CNOT6: variants seen among roughly 807,000 people sequenced by gnomAD.
CNOT6 encodes carbon catabolite repression 4 protein.
In CNOT6, 12 loss-of-function variants were observed where a neutral mutation model predicts 61.2. The ratio of observed to expected loss-of-function variants is 0.20; its 90% confidence interval spans 0.13 to 0.32. The LOEUF is 0.32. Ranked by LOEUF, CNOT6 falls within the 10% of genes least tolerant of loss-of-function variation. The pLI is 1.00. For missense variants in CNOT6, 405 were observed against 663.9 expected (o/e 0.61, Z 4.28); for synonymous variants, 225 against 240.6 (o/e 0.94, Z 0.60).
intron 4 of CNOT6, among the ~76,000 whole-genome samples, chr5:180,558,215 A>G (rs954067674): frequency 6.6e-6 from 1 of 152,168 alleles, no homozygotes; most frequent in Non-Finnish European, 1.5e-5. Flanking sequence ...TTTTGTCAGG[A>G]CGTGGTCCAC....
At chr5:180,567,720 A>G in intron 8 of CNOT6, 129 bp from the exon 9 acceptor site, 1 of 1,246,530 alleles carries the variant, frequency 8.0e-7, no homozygotes, top group Non-Finnish European at 1.1e-6. Context: ...AACGTGGAGG[A>G]TTTTCCGTAA....
At chr5:180,558,476 C>T (rs191722647) in intron 4 of CNOT6, among the ~76,000 whole-genome samples, 1 of 149,602 alleles carries the variant, frequency 6.7e-6, no homozygotes, top group African/African-American at 2.4e-5. Context: ...CAGCGTAGCC[C>T]AGGAAGGCGC....
intron 2 of CNOT6, among the ~76,000 whole-genome samples, chr5:180,540,968 C>T (rs775321352): frequency 6.6e-6 from 1 of 152,034 alleles, no homozygotes; most frequent in Non-Finnish European, 1.5e-5. Context: ...GTAATGGGGT[C>T]TGCCAGTGAT....
chr5:180,550,176 C>T (rs927251105), intron 3 of CNOT6, 59 bp downstream of exon 3: 20 of 1,369,310 alleles, frequency 1.5e-5, no homozygotes, highest in African/African-American at 2.9e-5. Context: ...AAATATAGGC[C>T]GGGCGCAGTG....
chr5:180,568,674 GA>G (rs1760592116), intron 9 of CNOT6, among the ~76,000 whole-genome samples: 1 of 152,102 alleles, frequency 6.6e-6, no homozygotes, highest in Non-Finnish European at 1.5e-5. Context: ...ATTATGCTGG[GA>G]GCCGAAACTT....
At chr5:180,566,078 T>A in intron 7 of CNOT6, 101 bp downstream of exon 7, 2 of 1,081,196 alleles carry the variant, frequency 1.8e-6, no homozygotes, top group Non-Finnish European at 2.6e-6. Context: ...CAGTAGTTCT[T>A]AAAGTACTGC....
rs1756492495 is a variant in CNOT6, at chr5:180,494,483, G to A, written c.-283G>A. The A allele has an allele frequency of 6.4e-6, 1 of 156,630 alleles. No homozygotes were observed. Among genetic ancestry groups the A allele is most frequent in the South Asian group, 1.7e-4 (1 of 5,744 alleles). The allele number at this position is 156,630 out of a possible 1,614,324, so 9.7% of individuals were successfully genotyped here. ...CGGTGGCGGCGGCGACGGCGGCGCG[G>A]AGGCGAAGGCAGCGGCGGGCGCAGC... is the stretch of plus-strand genomic sequence containing the variant. On this transcript the variant is annotated 5_prime_UTR_variant, in exon 1 of 12. Coordinates refer to ENST00000261951, the MANE Select transcript of CNOT6 (RefSeq NM_001370472.1).
intron 2 of CNOT6, among the ~76,000 whole-genome samples, chr5:180,531,792 G>A (rs1758400729): frequency 6.6e-6 from 1 of 152,220 alleles, no homozygotes; most frequent in Admixed American, 6.5e-5. Context: ...AGACCAGCCC[G>A]GCCAACATGG....
intron 1 of CNOT6, among the ~76,000 whole-genome samples, chr5:180,506,947 A>G (rs1172315044): frequency 6.6e-6 from 1 of 152,222 alleles, no homozygotes; most frequent in Non-Finnish European, 1.5e-5. Flanking sequence ...ATAAAAAAAT[A>G]CTAAGGCAGG....
intron 3 of CNOT6, 105 bp downstream of exon 3, chr5:180,550,222 C>G (rs541486742): frequency 1.2e-6 from 1 of 804,686 alleles, no homozygotes; most frequent in African/African-American, 1.7e-5. Context: ...TGGGAGGCTG[C>G]GAGAGGATCA....
chr5:180,564,376 C>G (rs1760344550), intron 4 of CNOT6, 113 bp from the exon 5 acceptor site: 1 of 599,012 alleles, frequency 1.7e-6, no homozygotes, highest in African/African-American at 1.9e-5. Context: ...AGTCTGACAT[C>G]TTACTAGTAA....
rs186297518 is a variant in CNOT6 at position 180,535,707 on chromosome 5, T to A, written c.112+6319T>A. Among the ~76,000 whole-genome samples the A allele has an allele frequency of 3.9e-5, 6 of 152,354 alleles. No homozygotes were observed. In the South Asian group the frequency reaches 1.2e-3, roughly 32 times the overall value. ...TGCTGGATAGAATGGTAGTTGTATT[T>A]GTAGTTCTGTGAGAAATCTCCATAC... is the stretch of plus-strand genomic sequence containing the variant. On this transcript the variant is annotated intron_variant, in intron 2 of 11. Coordinates refer to ENST00000261951, the MANE Select transcript of CNOT6 (RefSeq NM_001370472.1).
rs559521939 is a variant in CNOT6 at position 180,552,502 on chromosome 5, T to C, written c.300-884T>C. On this transcript the variant is annotated intron_variant, in intron 3 of 11. Transcript: ENST00000261951. The stretch of plus-strand genomic sequence containing the variant: ...TAAAAATACAAAAAAAAAAATTAGC[T>C]GGGTGTGGTGGCAGGCACCTGTAGT... Among the ~76,000 whole-genome samples, 113 of 151,092 alleles carry C rather than the reference T, an allele frequency of 7.5e-4. 1 individual carries two copies. Among genetic ancestry groups the C allele is most frequent in the South Asian group, 3.3e-3 (16 of 4,780 alleles).
intron 2 of CNOT6, among the ~76,000 whole-genome samples, chr5:180,542,297 C>T (rs1474869068): frequency 6.6e-6 from 1 of 151,288 alleles, no homozygotes. Context: ...CAGGGTCTCG[C>T]TCTGTCGCCC....
intron 2 of CNOT6, among the ~76,000 whole-genome samples, chr5:180,531,554 A>G (rs1228952617): frequency 1.4e-5 from 2 of 146,394 alleles, no homozygotes; most frequent in African/African-American, 4.9e-5. Flanking sequence ...GCGGCCAGGC[A>G]GAGACGCTCC....
intron 1 of CNOT6, among the ~76,000 whole-genome samples, chr5:180,513,053 T>A (rs1757468886): frequency 6.6e-6 from 1 of 151,888 alleles, no homozygotes; most frequent in Admixed American, 6.6e-5. Flanking sequence ...CCGCCACCAA[T>A]GCCCGGATAA....
intron 2 of CNOT6, among the ~76,000 whole-genome samples, chr5:180,541,404 T>C (rs1359990144): frequency 6.7e-6 from 1 of 148,748 alleles, no homozygotes; most frequent in Non-Finnish European, 1.5e-5. Context: ...CCCGAAGTGC[T>C]GGATTACAGG....
At chr5:180,503,526 A>G (rs1425324044) in intron 1 of CNOT6, among the ~76,000 whole-genome samples, 2 of 151,014 alleles carry the variant, frequency 1.3e-5, no homozygotes, top group South Asian at 2.1e-4. Flanking sequence ...CGGCACCCCA[A>G]AGTGCTGGGA....
intron 1 of CNOT6, among the ~76,000 whole-genome samples, chr5:180,520,821 T>C (rs1293648698): frequency 6.6e-6 from 1 of 151,874 alleles, no homozygotes; most frequent in Non-Finnish European, 1.5e-5. Context: ...TAACATTCCA[T>C]CTTTTTATTT....
Sources: gnomAD v4.1 joint callset for allele counts (sites outside exome capture counted in the v4.1 genomes callset) on GRCh38, gnomAD v4.1.1 for gene constraint, MANE v1.5 for transcripts, NCBI Gene and HGNC (gene_info 2026-07-23, HGNC 2026-07-21) for gene names.